Variants in ATPAF1 observed in about 807,000 individuals in gnomAD.
ATPAF1 encodes ATP synthase mitochondrial F1 complex assembly factor 1, also known as homolog of yeast ATP11.
A neutral mutation model predicts 43.9 loss-of-function variants in ATPAF1; 26 were observed. That is an observed-to-expected ratio of 0.59 (90% CI 0.43 to 0.82). The LOEUF (loss-of-function observed/expected upper bound fraction) is 0.82, where lower values mean the gene tolerates loss of function less well. Ranked by LOEUF, ATPAF1 falls within the 40% of genes least tolerant of loss-of-function variation. The probability of loss-of-function intolerance (pLI) is 0.00; values close to 1 mark genes in which losing one functional copy is unlikely to be tolerated. For missense variants in ATPAF1, 366 were observed against 435.0 expected (o/e 0.84, Z 1.41); for synonymous variants, 157 against 168.0 (o/e 0.93, Z 0.50).
downstream of ATPAF1, chr1:46,633,836 G>A (rs752592637): frequency 1.8e-5 from 8 of 456,034 alleles, no homozygotes; most frequent in South Asian, 1.2e-4. Context: ...CATCTGGAAA[G>A]ACAAGCAAAC....
chr1:46,646,413 C>T lies in ATPAF1; in HGVS notation c.589-1157G>A, dbSNP rs184540101. On this transcript the variant is annotated intron_variant, in intron 6 of 8. Coordinates refer to ENST00000574428, the Ensembl canonical transcript of ATPAF1. ...TAGCTCGTTCCAATTGCTGTAATTA[C>T]TTCACATTCTATCAGATAAGGCTGA... 2.1e-3 allele frequency among the ~76,000 whole-genome samples: 314 copies of T among 152,306 alleles called. 1 individual carries two copies. Among genetic ancestry groups the T allele is most frequent in the Non-Finnish European group, 2.5e-3 (168 of 68,028 alleles).
downstream of ATPAF1, chr1:46,633,963 T>C (rs1395417742): frequency 5.0e-6 from 2 of 397,638 alleles, no homozygotes; most frequent in Non-Finnish European, 9.8e-6. Flanking sequence ...GACTCAAGTT[T>C]CTCAAAAGAT....
Position 46,668,283 on chromosome 1 carries a change from G to A in ATPAF1, c.40C>T (p.Pro14Ser). The A allele has an allele frequency of 7.2e-7, 1 of 1,383,378 alleles. No homozygotes were observed. The highest frequency in any genetic ancestry group is 9.4e-7 in the Non-Finnish European group (1 of 1,063,852). 85.7% of individuals were successfully genotyped at this position (1,383,378 alleles called of 1,614,324 possible). ...AGACCGGCCACCTGCAGGACCGCCG[G>A]TCCCGCGCCACCCGCAGCCGCCACC... The change falls in exon 1 of 9, where the codon CCG becomes TCG. Residue 14 changes from proline (P) to serine (S), a missense_variant. By Grantham distance (74) the Pro-to-Ser change is moderately conservative. This residue lies in a region of ATPAF1 where 186 missense variants were observed against 168.5 expected (regional missense o/e 1.10). Transcript: ENST00000574428. The surrounding 1 kb of genome is among the most constrained non-coding windows in gnomAD (Gnocchi z 4.4).
chr1:46,633,087 A>C (rs1675778452), downstream of ATPAF1: 1 of 152,718 alleles, frequency 6.5e-6, no homozygotes, highest in Non-Finnish European at 1.5e-5. Context: ...ACATATTAAC[A>C]AGTAGATTCC....
intron 8 of ATPAF1, chr1:46,636,258 T>C (rs1569586790): frequency 4.2e-6 from 2 of 476,860 alleles, no homozygotes; most frequent in East Asian, 4.1e-5. Context: ...TGGTTTGTTT[T>C]ATATCTCTGC....
intron 8 of ATPAF1, among the ~76,000 whole-genome samples, chr1:46,639,290 T>C (rs913377153): frequency 2.0e-5 from 3 of 152,098 alleles, no homozygotes; most frequent in African/African-American, 7.2e-5. Flanking sequence ...CAAGTCATTT[T>C]ATGTCTCTCA....
rs1312019682 is a variant in ATPAF1 at position 46,668,144 on chromosome 1, G to A, written c.179C>T (p.Ala60Val). 8.6e-6 allele frequency: 12 copies of A among 1,401,070 alleles called. No homozygotes were observed. Among genetic ancestry groups the A allele is most frequent in the Non-Finnish European group, 1.1e-5 (12 of 1,078,470 alleles). The allele number at this position is 1,401,070 out of a possible 1,614,324, so 86.8% of individuals were successfully genotyped here. ...CTCGGCCCCGACCCCGCTGCTGTCG[G>A]CGCCCCCCTCGGGCCGGCCCGAGCC... The change falls in exon 1 of 9, where the codon GCC becomes GTC. Residue 60 changes from alanine to valine, a missense_variant. Ala to Val is a moderately conservative substitution (Grantham distance 64). This residue lies in a region of ATPAF1 where 186 missense variants were observed against 168.5 expected (regional missense o/e 1.10). Transcript: ENST00000574428. The surrounding 1 kb of genome is among the most constrained non-coding windows in gnomAD (Gnocchi z 4.4).
Position 46,668,249 on chromosome 1 carries a change from C to T in ATPAF1, c.74G>A (p.Gly25Asp). The T allele has an allele frequency of 1.4e-6, 2 of 1,391,160 alleles. No homozygotes were observed. Among genetic ancestry groups the T allele is most frequent in the Non-Finnish European group, 1.9e-6 (2 of 1,069,764 alleles). The allele number at this position is 1,391,160 out of a possible 1,614,324, so 86.2% of individuals were successfully genotyped here. Residue 25 changes from glycine to aspartate, a missense_variant, in exon 1 of 9, where the codon GGC becomes GAC. Gly to Asp is a moderately conservative substitution (Grantham distance 94). Transcript: ENST00000574428. The surrounding 1 kb of genome is among the most constrained non-coding windows in gnomAD (Gnocchi z 4.4). ...GGCGCGGCTGCGCACCGCGCACAGG[C>T]CCCGGTAGAGACCGGCCACCTGCAG...
chr1:46,639,436 A>ACTC (rs566437575), intron 8 of ATPAF1, among the ~76,000 whole-genome samples: 216 of 152,164 alleles, frequency 1.4e-3, no homozygotes, highest in Admixed American at 5.5e-3. Flanking sequence ...ATATCACCCC[A>ACTC]CTCTCTATCC....
chr1:46,633,674 C>A (rs723333), downstream of ATPAF1: 414,690 of 454,824 alleles, frequency 0.91, 193,284 homozygotes, highest in Non-Finnish European at 0.99. Context: ...ACACATTTAT[C>A]CATGGACACA....
intron 2 of ATPAF1, among the ~76,000 whole-genome samples, chr1:46,659,128 A>G (rs1220301730): frequency 6.6e-6 from 1 of 151,976 alleles, no homozygotes; most frequent in Admixed American, 6.5e-5. Flanking sequence ...GAGGCGGAGG[A>G]TGCAGTGAGC....
chr1:46,645,159 A>T lies in ATPAF1; in HGVS notation c.684+2T>A. 6.2e-7 allele frequency: 1 copy of T among 1,610,918 alleles called. No individual in the cohort carries two copies. Among genetic ancestry groups the T allele is most frequent in the Non-Finnish European group, 8.5e-7 (1 of 1,177,306 alleles). ...TCTAGAGGAAGGGCACAAGCCACCT[A>T]CCTGAATATTTATAAGTGCAGTGAA... On this transcript the variant is annotated splice_donor_variant, in intron 7 of 8. Coordinates refer to ENST00000574428, the Ensembl canonical transcript of ATPAF1. LOFTEE classifies it high-confidence loss of function.
Position 46,668,100 on chromosome 1 carries a change from G to A in ATPAF1, c.223C>T (p.Pro75Ser). Residue 75 changes from proline (P) to serine (S), a missense_variant, in exon 1 of 9, where the codon CCT (proline) becomes TCT (serine). By Grantham distance (74) the Pro-to-Ser change is moderately conservative (BLOSUM62 -1). Coordinates refer to ENST00000574428, the Ensembl canonical transcript of ATPAF1. This position sits in a 1 kb window ranked among gnomAD's most constrained non-coding sequence, Gnocchi z 4.4. ...TTGTCGCGGTAGCGGTCGTAGAAAG[G>A]GTTGGCCTGGAGCTCGGCCTCGGCC... 1 of 1,451,744 alleles carries A rather than the reference G, an allele frequency of 6.9e-7. No homozygotes were observed. Among genetic ancestry groups the A allele is most frequent in the Non-Finnish European group, 9.1e-7 (1 of 1,099,912 alleles). The allele number at this position is 1,451,744 out of a possible 1,614,324, so 89.9% of individuals were successfully genotyped here.
chr1:46,652,332 C>G, intron 6 of ATPAF1: 1 of 369,204 alleles, frequency 2.7e-6, no homozygotes, highest in Non-Finnish European at 4.9e-6. Flanking sequence ...AAGCCAGAGG[C>G]TTACTGGGTC....
chr1:46,644,175 T>C (rs937975971), intron 7 of ATPAF1, among the ~76,000 whole-genome samples: 1 of 152,196 alleles, frequency 6.6e-6, no homozygotes, highest in African/African-American at 2.4e-5. Context: ...ATTAGCTCCA[T>C]GAAGGCAGGG....
At chr1:46,633,982 AGGAC>A, downstream of ATPAF1, 2 of 383,204 alleles carry the variant, frequency 5.2e-6, no homozygotes, top group Non-Finnish European at 1.0e-5. Flanking sequence ...ATAAACTGCC[AGGAC>A]CAGAAGCAGG....
In ATPAF1 at chr1:46,653,836, G is replaced by A; in HGVS notation, c.521C>T (p.Thr174Ile). Residue 174 changes from threonine to isoleucine, a missense_variant, in exon 5 of 9, where the codon ACA becomes ATA. Around this residue, in one of 2 missense-constraint regions of ATPAF1, gnomAD observed 180 missense variants for 266.5 expected, o/e 0.68. Transcript: ENST00000574428. The surrounding 1 kb of genome is among the most constrained non-coding windows in gnomAD (Gnocchi z 4.8). ...ACTTACAGGAATAACTGCGTAGACTGTATCTTTTGCTGCAAAATATTGCTG... is the reference window on the plus strand; with the variant it reads ...ACTTACAGGAATAACTGCGTAGACTATATCTTTTGCTGCAAAATATTGCTG... The A allele has an allele frequency of 1.2e-6, 2 of 1,610,916 alleles. No homozygotes were observed. The highest frequency in any genetic ancestry group is 1.7e-6 in the Non-Finnish European group (2 of 1,178,666).
intron 2 of ATPAF1, among the ~76,000 whole-genome samples, chr1:46,662,297 C>T (rs1257212903): frequency 6.6e-6 from 1 of 152,104 alleles, no homozygotes; most frequent in Non-Finnish European, 1.5e-5. Flanking sequence ...GAGCTATTGA[C>T]TTGTAACCTT....
chr1:46,647,155 T>C (rs1375010585), intron 6 of ATPAF1, among the ~76,000 whole-genome samples: 1 of 152,242 alleles, frequency 6.6e-6, no homozygotes, highest in South Asian at 2.1e-4. Context: ...CTTGATGTTG[T>C]TGCAGAAATC....
Sources: allele counts gnomAD v4.1 joint callset (sites outside exome capture counted in the v4.1 genomes callset), GRCh38; gene constraint gnomAD v4.1.1; regional missense constraint gnomAD v4.1.1; non-coding constraint Gnocchi (gnomAD v3.1); transcripts MANE v1.5; gene names NCBI Gene and HGNC (gene_info 2026-07-23, HGNC 2026-07-21).